HEATR5A: variants seen among roughly 807,000 people sequenced by gnomAD.
The protein encoded by HEATR5A is HEAT repeat containing 5A, also known as HEAT repeat-containing protein 5A.
A neutral mutation model predicts 218.8 loss-of-function variants in HEATR5A; 178 were observed. That is an observed-to-expected ratio of 0.81 (90% CI 0.72 to 0.92). HEATR5A has a LOEUF of 0.92. Among genes scored for constraint, HEATR5A ranks in the 40% least tolerant of loss-of-function variants. HEATR5A has a pLI of 0.00. For missense variants in HEATR5A, 2,420 were observed against 2,418.9 expected (o/e 1.00, Z -0.01); for synonymous variants, 864 against 871.6 (o/e 0.99, Z 0.15).
intron 33 of HEATR5A, among the ~76,000 whole-genome samples, chr14:31,300,199 A>AC (rs1404126478): frequency 2.0e-5 from 3 of 149,656 alleles, no homozygotes; most frequent in African/African-American, 4.9e-5. Flanking sequence ...CCAAATCCAC[A>AC]CCCCCTCATT....
rs1174263945 is a variant in HEATR5A at position 31,345,175 on chromosome 14, TAAC to T, written c.2967_2969del (p.Leu990del). 4 of 1,613,758 alleles carry T rather than the reference TAAC, an allele frequency of 2.5e-6. No homozygotes were observed. Among genetic ancestry groups the T allele is most frequent in the African/African-American group, 1.3e-5 (1 of 74,904 alleles). ...CTTCAGCATGAGTAGGAGGCACATT[TAAC>T]AACAACATTATAATAAGAGAAAGGG... is the stretch of plus-strand genomic sequence containing the variant. On this transcript the variant is annotated inframe_deletion, in exon 20 of 36. Transcript: ENST00000543095.
intron 22 of HEATR5A, among the ~76,000 whole-genome samples, chr14:31,326,831 G>A (rs755140828): frequency 7.9e-5 from 12 of 151,852 alleles, no homozygotes; most frequent in Non-Finnish European, 1.5e-4. Flanking sequence ...TTTTAGTAGA[G>A]ATGGGGTTTC....
At chr14:31,344,580 AC>A (rs561777692) in intron 20 of HEATR5A, among the ~76,000 whole-genome samples, 65 of 150,418 alleles carry the variant, frequency 4.3e-4, no homozygotes, top group African/African-American at 1.6e-3. Flanking sequence ...ACTGCGCCTG[AC>A]CTACTTTAGT....
rs754897435 is a variant in HEATR5A, at chr14:31,380,590, T to C, written c.1597-12A>G. ...AATGTCATAATAATCTATTTACATA[T>C]AGAACAAGTTTTAAAAAAAGCATAT... On this transcript the variant is annotated splice_polypyrimidine_tract_variant and intron_variant, in intron 10 of 35. Coordinates refer to ENST00000543095, the MANE Select transcript of HEATR5A (RefSeq NM_015473.4). 5.9e-6 allele frequency: 9 copies of C among 1,519,006 alleles called. No homozygotes were observed. Among genetic ancestry groups the C allele is most frequent in the East Asian group, 2.4e-5 (1 of 41,678 alleles). 94.1% of individuals were successfully genotyped at this position (1,519,006 alleles called of 1,614,324 possible).
At position 31,364,207 on chromosome 14, in the gene HEATR5A, G is replaced by A. The variant is rs1176338463; in HGVS notation, c.2053C>T (p.Pro685Ser). The A allele has an allele frequency of 1.3e-6, 2 of 1,523,410 alleles. No homozygotes were observed. The highest frequency in any genetic ancestry group is 1.8e-6 in the Non-Finnish European group (2 of 1,122,060). 94.4% of individuals were successfully genotyped at this position (1,523,410 alleles called of 1,614,324 possible). A position where few individuals can be genotyped will look rare whatever the true frequency, so the allele number is the denominator to read the frequency against. ...CACATACCTTCATAGGTCTCAGGAG[G>A]TAATAAAATCAACAGTTCATAAAGT... is the stretch of plus-strand genomic sequence containing the variant. The part of the protein sequence containing the change: ...QRLYELLILL[P>S]PETYEGNLCA... The change falls in exon 14 of 36, where the codon CCT (proline) becomes TCT (serine). Residue 685 changes from proline (P) to serine (S), a missense_variant. Transcript: ENST00000543095.
intron 13 of HEATR5A, among the ~76,000 whole-genome samples, chr14:31,365,609 C>T (rs1901772154): frequency 6.6e-6 from 1 of 151,790 alleles, no homozygotes; most frequent in African/African-American, 2.4e-5. Context: ...ATGCACCCAC[C>T]TCGGCCTCCC....
chr14:31,360,949 C>T (rs1384019715), intron 14 of HEATR5A, among the ~76,000 whole-genome samples: 9 of 152,200 alleles, frequency 5.9e-5, no homozygotes, highest in Admixed American at 2.0e-4. Flanking sequence ...AGATTACACA[C>T]GGTGCTTGGC....
chr14:31,331,727 G>T (rs1383289989), intron 22 of HEATR5A, among the ~76,000 whole-genome samples: 2 of 152,192 alleles, frequency 1.3e-5, no homozygotes, highest in African/African-American at 4.8e-5. Context: ...GGAGGCCTCA[G>T]GAAACTTACA....
intron 1 of HEATR5A, among the ~76,000 whole-genome samples, chr14:31,413,782 A>G (rs2031362077): frequency 6.6e-6 from 1 of 152,228 alleles, no homozygotes; most frequent in Non-Finnish European, 1.5e-5. Context: ...ATGCTACTTA[A>G]GTGGAAGAAG....
intron 16 of HEATR5A, among the ~76,000 whole-genome samples, chr14:31,355,502 G>A (rs1258476230): frequency 6.6e-6 from 1 of 152,130 alleles, no homozygotes; most frequent in African/African-American, 2.4e-5. Flanking sequence ...GGAGGCCGAG[G>A]AGGGCGGATC....
intron 29 of HEATR5A, 66 bp downstream of exon 29, chr14:31,308,868 C>T: frequency 2.2e-6 from 3 of 1,376,744 alleles, no homozygotes; most frequent in Non-Finnish European, 2.0e-6. Flanking sequence ...GAGCAAAACT[C>T]CATCTCAAAA....
intron 33 of HEATR5A, 138 bp downstream of exon 33, chr14:31,302,157 C>T: frequency 1.5e-6 from 1 of 658,612 alleles, no homozygotes; most frequent in Admixed American, 2.7e-5. Flanking sequence ...TATACATATC[C>T]TCTAAACACA....
rs1595165849 is a variant in HEATR5A, at chr14:31,388,789, A to C, written c.933+56T>G. On this transcript the variant is annotated intron_variant, in intron 7 of 35. Transcript: ENST00000543095. ...CCACTTCTGTGGAGTCAGATACTAA[A>C]ACTTTCATTATAGGCCAGTAAGAGT... 7.6e-6 allele frequency: 11 copies of C among 1,439,732 alleles called. 1 individual carries two copies. The East Asian group carries it at 2.0e-4, about 27-fold the overall frequency. 89.2% of individuals were successfully genotyped at this position (1,439,732 alleles called of 1,614,324 possible).
rs990288630 is a variant in HEATR5A at position 31,325,945 on chromosome 14, AG to A, written c.3547+217del. On this transcript the variant is annotated intron_variant, in intron 23 of 35. Coordinates refer to ENST00000543095, the MANE Select transcript of HEATR5A (RefSeq NM_015473.4). The stretch of plus-strand genomic sequence containing the variant: ...TAGGAAAGTCATCTAAGACAGCCAA[AG>A]GGAAAAAGAGCAGGCTTAAGTATTG... 1.9e-5 allele frequency: 11 copies of A among 573,580 alleles called. No individual in the cohort carries two copies. The African/African-American group carries it at 2.1e-4, about 11-fold the overall frequency. 35.5% of individuals were successfully genotyped at this position (573,580 alleles called of 1,614,324 possible).
chr14:31,357,562 G>A (rs1457378343), intron 16 of HEATR5A, among the ~76,000 whole-genome samples: 1 of 152,174 alleles, frequency 6.6e-6, no homozygotes, highest in African/African-American at 2.4e-5. Flanking sequence ...GAATTTCCTG[G>A]ATAGTGGATT....
chr14:31,313,499 A>ATT (rs1246918104), intron 27 of HEATR5A, among the ~76,000 whole-genome samples: 1 of 152,210 alleles, frequency 6.6e-6, no homozygotes, highest in African/African-American at 2.4e-5. Context: ...ATGGCCTAAT[A>ATT]ATCCATCTTA....
At chr14:31,321,417 C>T in intron 25 of HEATR5A, 82 bp downstream of exon 25, 2 of 1,119,346 alleles carry the variant, frequency 1.8e-6, no homozygotes, top group East Asian at 2.7e-5. Flanking sequence ...GCTGGGATTA[C>T]AGGCATGAGC....
At chr14:31,296,235 C>A in intron 33 of HEATR5A, 172 bp from the exon 34 acceptor site, 2 of 500,538 alleles carry the variant, frequency 4.0e-6, no homozygotes, top group South Asian at 3.5e-5. Flanking sequence ...ATAAGTAATT[C>A]TAGAGCTAAG....
At chr14:31,358,551 C>A in intron 16 of HEATR5A, 86 bp downstream of exon 16, 2 of 1,174,652 alleles carry the variant, frequency 1.7e-6, no homozygotes, top group South Asian at 1.6e-5. Context: ...TATAAGAAAT[C>A]ATTTACGCTA....
Sources: gnomAD v4.1 joint callset for allele counts (sites outside exome capture counted in the v4.1 genomes callset) on GRCh38, gnomAD v4.1.1 for gene constraint, MANE v1.5 for transcripts, NCBI Gene and HGNC (gene_info 2026-07-23, HGNC 2026-07-21) for gene names.